The following KCNH7 variants were observed in gnomAD, a reference collection of about 807,000 sequenced individuals.
The protein encoded by KCNH7 is voltage-gated inwardly rectifying potassium channel KCNH7.
KCNH7 carries 49 observed loss-of-function variants against 120.8 expected under a neutral mutation model. The observed-to-expected ratio is 0.41, with a 90% CI of 0.32 to 0.51. KCNH7 has a LOEUF of 0.51. Among genes scored for constraint, KCNH7 ranks in the 20% least tolerant of loss-of-function variants. KCNH7 has a pLI of 0.38. For missense variants in KCNH7, 1,097 were observed against 1,446.6 expected, an observed-to-expected ratio of 0.76 and a Z score of 3.92; for synonymous variants, 547 against 516.1, an observed-to-expected ratio of 1.06 and a Z score of -0.81.
chr2:162,727,448 A>G (rs1687571568), intron 2 of KCNH7, among the ~76,000 whole-genome samples: 1 of 152,150 alleles, frequency 6.6e-6, no homozygotes, highest in East Asian at 1.9e-4. Flanking sequence ...AATCATCACC[A>G]TGCAATTTCC....
At chr2:162,399,726 C>T (rs80354452) in intron 10 of KCNH7, among the ~76,000 whole-genome samples, 1,655 of 151,758 alleles carry the variant, frequency 0.011, 14 homozygotes, top group Middle Eastern at 0.024. Flanking sequence ...CCATTTAATC[C>T]GACGCGGCAG....
intron 2 of KCNH7, among the ~76,000 whole-genome samples, chr2:162,657,878 A>G (rs1684823258): frequency 1.4e-5 from 2 of 138,740 alleles, no homozygotes; most frequent in Non-Finnish European, 3.0e-5. Context: ...AAGATAACAA[A>G]TAACAAATTC....
chr2:162,796,535 T>C (rs1684154088), intron 2 of KCNH7: 1 of 152,094 alleles, frequency 6.6e-6, no homozygotes, highest in African/African-American at 2.4e-5. Context: ...GTAATTCAGG[T>C]GATATAATTG....
chr2:162,822,636 G>A (rs1408117015), intron 2 of KCNH7, among the ~76,000 whole-genome samples: 1 of 152,204 alleles, frequency 6.6e-6, no homozygotes, highest in Non-Finnish European at 1.5e-5. Flanking sequence ...TTAAGAGAAT[G>A]TGTCTAATGT....
intron 2 of KCNH7, among the ~76,000 whole-genome samples, chr2:162,625,802 G>A (rs371162499): frequency 6.0e-4 from 92 of 152,172 alleles, no homozygotes; most frequent in Middle Eastern, 3.4e-3. Flanking sequence ...AGAAAATTAC[G>A]GGAGGAGTGA....
rs1165323800 is a variant in KCNH7, at chr2:162,577,587, T to G, written c.308-40507A>C. Among the ~76,000 whole-genome samples, 3 of 151,992 alleles carry G rather than the reference T, an allele frequency of 2.0e-5. No homozygotes were observed. The South Asian group carries it at 6.2e-4, about 31-fold the overall frequency. ...ACTTAGCTTCCCCATTCCTATGATT[T>G]TCTTCTGCAACTTTAGCCAAGGCAC... On this transcript the variant is annotated intron_variant, in intron 2 of 15. Coordinates refer to ENST00000332142, the MANE Select transcript of KCNH7 (RefSeq NM_033272.4).
chr2:162,595,037 C>T (rs1472499811), intron 2 of KCNH7, among the ~76,000 whole-genome samples: 1 of 152,044 alleles, frequency 6.6e-6, no homozygotes, highest in South Asian at 2.1e-4. Flanking sequence ...ACACCCAAGA[C>T]TGGCTAATTT....
At chr2:162,765,430 C>T (rs1031330978) in intron 2 of KCNH7, among the ~76,000 whole-genome samples, 1 of 152,236 alleles carries the variant, frequency 6.6e-6, no homozygotes, top group Non-Finnish European at 1.5e-5. Context: ...CAACTCTTCT[C>T]GATGGGTTTC....
At chr2:162,715,315 C>T (rs933337407) in intron 2 of KCNH7, among the ~76,000 whole-genome samples, 1 of 152,040 alleles carries the variant, frequency 6.6e-6, no homozygotes, top group South Asian at 2.1e-4. Context: ...TTTAAATGAC[C>T]AGATCTTGAG....
Position 162,657,548 on chromosome 2 carries a change from G to A in KCNH7, c.308-120468C>T, listed in dbSNP as rs115694647. 6.5e-3 allele frequency among the ~76,000 whole-genome samples: 989 copies of A among 151,930 alleles called. 15 individuals are homozygous for A. Among genetic ancestry groups the A allele is most frequent in the African/African-American group, 0.022 (927 of 41,396 alleles). On this transcript the variant is annotated intron_variant, in intron 2 of 15. Coordinates refer to ENST00000332142, the MANE Select transcript of KCNH7 (RefSeq NM_033272.4). ...TTTTATTGCTGAATAATATTCCATC[G>A]TATGGATGCACTACAGTTTATTTAT...
rs1682813163 is a variant in KCNH7, at chr2:162,766,490, A to T, written c.307+70047T>A. On this transcript the variant is annotated intron_variant, in intron 2 of 15. Coordinates refer to ENST00000332142, the MANE Select transcript of KCNH7 (RefSeq NM_033272.4). ...TCACAATAATTTCTGACAAGTCTAA[A>T]TTCCAGAAGTGATCAGAAGATCAAG... Among the ~76,000 whole-genome samples, 2 of 152,172 alleles carry T rather than the reference A, an allele frequency of 1.3e-5. 1 individual carries two copies. The highest frequency in any genetic ancestry group is 1.3e-4 in the Admixed American group (2 of 15,258).
chr2:162,836,357 A>G lies in KCNH7; in HGVS notation c.307+180T>C, dbSNP rs544333211. Among the ~76,000 whole-genome samples, 3 of 152,310 alleles carry G rather than the reference A, an allele frequency of 2.0e-5. No homozygotes were observed. In the South Asian group the frequency reaches 6.2e-4, roughly 32 times the overall value. The stretch of plus-strand genomic sequence containing the variant: ...GATTACAGTACCCTTATTCAAAGAA[A>G]AAATTGTTTCTACCAGACCACTAAT... On this transcript the variant is annotated intron_variant, in intron 2 of 15. Coordinates refer to ENST00000332142, the MANE Select transcript of KCNH7 (RefSeq NM_033272.4).
intron 13 of KCNH7, among the ~76,000 whole-genome samples, chr2:162,382,472 C>T (rs1048757461): frequency 2.0e-5 from 3 of 151,998 alleles, no homozygotes; most frequent in Non-Finnish European, 4.4e-5. Context: ...GCTATAGTTG[C>T]AAGACACATT....
intron 3 of KCNH7, among the ~76,000 whole-genome samples, chr2:162,522,323 A>G (rs1212581468): frequency 6.6e-6 from 1 of 151,892 alleles, no homozygotes; most frequent in Non-Finnish European, 1.5e-5. Context: ...CCTTTAAAAA[A>G]CAATTCACTG....
At chr2:162,792,982 T>A (rs1405233432) in intron 2 of KCNH7, among the ~76,000 whole-genome samples, 1 of 152,046 alleles carries the variant, frequency 6.6e-6, no homozygotes, top group East Asian at 1.9e-4. Flanking sequence ...CTCTTAATAC[T>A]GCCTTAGCTG....
chr2:162,735,112 T>C (rs1246155334), intron 2 of KCNH7, among the ~76,000 whole-genome samples: 2 of 152,326 alleles, frequency 1.3e-5, no homozygotes, highest in East Asian at 3.9e-4. Flanking sequence ...CAAGACACAC[T>C]GCTCACCAAT....
intron 4 of KCNH7, among the ~76,000 whole-genome samples, chr2:162,515,652 T>A (rs1328031559): frequency 2.0e-5 from 3 of 151,804 alleles, no homozygotes; most frequent in Admixed American, 6.6e-5. Context: ...TTGTTGCTGT[T>A]TAGCCACAGG....
chr2:162,538,566 G>C (rs1692192876), intron 2 of KCNH7, among the ~76,000 whole-genome samples: 2 of 152,116 alleles, frequency 1.3e-5, no homozygotes, highest in South Asian at 4.1e-4. Context: ...CCTAACATCT[G>C]CAAAGGCCAG....
intron 12 of KCNH7, among the ~76,000 whole-genome samples, chr2:162,386,584 G>C (rs1686579524): frequency 1.3e-5 from 2 of 151,678 alleles, no homozygotes; most frequent in South Asian, 4.1e-4. Context: ...ATCAGCTCAG[G>C]CCTCCTATTT....
Sources: gnomAD v4.1 joint callset for allele counts (sites outside exome capture counted in the v4.1 genomes callset) on GRCh38, gnomAD v4.1.1 for gene constraint, MANE v1.5 for transcripts, NCBI Gene and HGNC (gene_info 2026-07-23, HGNC 2026-07-21) for gene names.